Variants in CEP63 observed in about 807,000 individuals in gnomAD.
CEP63 encodes centrosomal protein of 63 kDa.
CEP63 carries 84 observed loss-of-function variants against 89.1 expected under a neutral mutation model. The ratio of observed to expected loss-of-function variants is 0.94; its 90% confidence interval spans 0.79 to 1.13. The LOEUF (loss-of-function observed/expected upper bound fraction) is 1.13. Among genes scored for constraint, CEP63 ranks in the 50% most tolerant of loss-of-function variants. The pLI, the probability that CEP63 is intolerant of heterozygous loss-of-function variation, is 0.00. For missense variants in CEP63, 838 were observed against 813.3 expected (o/e 1.03, Z -0.37); for synonymous variants, 267 against 272.5 (o/e 0.98, Z 0.20).
At position 134,559,401 on chromosome 3, in the gene CEP63, T is replaced by A. The variant is rs539497458; in HGVS notation, c.1925T>A (p.Met642Lys). ...TTTTCTGACACTATGTCTGAGAGTATGAATGACCAAGAAGAGTTTATATCT... is the reference window on the plus strand; with the variant it reads ...TTTTCTGACACTATGTCTGAGAGTAAGAATGACCAAGAAGAGTTTATATCT... ...ANFSDTMSESMNDQEEFISSC... is the reference protein window; with the variant it reads ...ANFSDTMSESKNDQEEFISSC... Residue 642 changes from methionine (M) to lysine (K), a missense_variant, in exon 14 of 15, where the codon ATG becomes AAG. Transcript: ENST00000675561. 8.7e-6 allele frequency: 14 copies of A among 1,613,928 alleles called. No individual in the cohort carries two copies. The Admixed American group carries it at 2.0e-4, about 23-fold the overall frequency.
At chr3:134,736,765 T>C in the CEP63 span, among the ~76,000 whole-genome samples, 1 of 152,138 alleles carries the variant, frequency 6.6e-6, no homozygotes, top group Non-Finnish European at 1.5e-5. Context: ...CTTTATGGGG[T>C]TAACTTTGGA....
chr3:134,564,559 T>A lies in CEP63; in HGVS notation c.*3024T>A. On this transcript the variant is annotated 3_prime_UTR_variant, in exon 15 of 15. Transcript: ENST00000675561. ...ATGCTGCCTAACACATAACAGATCC[T>A]AAGCAAATATTGGGTGGATGAAAAT... 1.0e-6 allele frequency: 1 copy of A among 985,476 alleles called. No individual in the cohort carries two copies. Among genetic ancestry groups the A allele is most frequent in the Non-Finnish European group, 1.2e-6 (1 of 829,934 alleles). 61.0% of individuals were successfully genotyped at this position (985,476 alleles called of 1,614,324 possible).
At chr3:134,657,090 A>G in the CEP63 span, among the ~76,000 whole-genome samples, 3 of 152,204 alleles carry the variant, frequency 2.0e-5, no homozygotes, top group Admixed American at 6.5e-5. Flanking sequence ...GAAGAAAAAG[A>G]GGTTTAATTG....
At chr3:134,662,910 T>G in the CEP63 span, among the ~76,000 whole-genome samples, 2 of 152,158 alleles carry the variant, frequency 1.3e-5, no homozygotes, top group African/African-American at 2.4e-5. Flanking sequence ...AGATCCAGGG[T>G]CCTACTGGAG....
chr3:134,705,415 A>G, the CEP63 span, among the ~76,000 whole-genome samples: 1 of 152,196 alleles, frequency 6.6e-6, no homozygotes, highest in Non-Finnish European at 1.5e-5. Context: ...AGAACTCACT[A>G]CTGCCAGAAT....
chr3:134,558,115 A>C, intron 12 of CEP63, 27 bp from the exon 13 acceptor site: 1 of 1,565,378 alleles, frequency 6.4e-7, no homozygotes, highest in Admixed American at 1.7e-5. Flanking sequence ...GTACAGATTA[A>C]GTGACTCTAG....
At chr3:134,642,677 A>C in the CEP63 span, among the ~76,000 whole-genome samples, 10 of 152,204 alleles carry the variant, frequency 6.6e-5, no homozygotes, top group African/African-American at 2.2e-4. Flanking sequence ...GCTCAGTCTC[A>C]GCAGGAGAGG....
the CEP63 span, among the ~76,000 whole-genome samples, chr3:134,688,206 T>A: frequency 6.6e-6 from 1 of 152,176 alleles, no homozygotes. Flanking sequence ...ATGTGGTATA[T>A]CCATACAATA....
At chr3:134,729,349 T>A in the CEP63 span, among the ~76,000 whole-genome samples, 1 of 152,232 alleles carries the variant, frequency 6.6e-6, no homozygotes, top group African/African-American at 2.4e-5. Flanking sequence ...AAAGGTAGCA[T>A]GTTATACATA....
At chr3:134,531,437 G>T (rs1368293753) in intron 3 of CEP63, among the ~76,000 whole-genome samples, 3 of 152,048 alleles carry the variant, frequency 2.0e-5, no homozygotes, top group South Asian at 2.1e-4. Flanking sequence ...ATAAAAATTC[G>T]CCAGGTGTGG....
At chr3:134,708,423 G>C in the CEP63 span, among the ~76,000 whole-genome samples, 1 of 152,228 alleles carries the variant, frequency 6.6e-6, no homozygotes, top group Non-Finnish European at 1.5e-5. Flanking sequence ...AAATTTATAA[G>C]CTGTGTGTGA....
the CEP63 span, among the ~76,000 whole-genome samples, chr3:134,733,465 A>G: frequency 6.6e-6 from 1 of 152,224 alleles, no homozygotes; most frequent in Non-Finnish European, 1.5e-5. Flanking sequence ...AACAACATAC[A>G]AAGGAAGGCA....
rs1171806068 is a variant in CEP63 at position 134,563,542 on chromosome 3, C to G, written c.*2007C>G. ...GGCTCAAGTGATTCTCCTGCCTTAG[C>G]TTCCCGAGTAGCTGGGATTACAGGC... On this transcript the variant is annotated 3_prime_UTR_variant, in exon 15 of 15. Coordinates refer to ENST00000675561, the MANE Select transcript of CEP63 (RefSeq NM_001353108.3). The G allele has an allele frequency of 6.6e-6, 1 of 152,314 alleles. No homozygotes were observed. Among genetic ancestry groups the G allele is most frequent in the African/African-American group, 2.4e-5 (1 of 41,414 alleles). 9.4% of individuals were successfully genotyped at this position (152,314 alleles called of 1,614,324 possible). A position where few individuals can be genotyped will look rare whatever the true frequency, so the allele number is the denominator to read the frequency against.
the CEP63 span, among the ~76,000 whole-genome samples, chr3:134,735,586 A>G: frequency 2.0e-5 from 3 of 152,160 alleles, no homozygotes; most frequent in South Asian, 6.2e-4. Context: ...ACCTTGTTCA[A>G]CTTCAGCTGG....
chr3:134,738,578 A>T, the CEP63 span, among the ~76,000 whole-genome samples: 1 of 152,094 alleles, frequency 6.6e-6, no homozygotes, highest in Non-Finnish European at 1.5e-5. Context: ...TGAGGACACA[A>T]ATGTGTAAGA....
the CEP63 span, among the ~76,000 whole-genome samples, chr3:134,665,508 C>T: frequency 1.3e-5 from 2 of 152,136 alleles, no homozygotes; most frequent in Admixed American, 6.5e-5. Context: ...CCCAGGTGGT[C>T]GCTGAAAAGC....
At chr3:134,676,519 A>G in the CEP63 span, among the ~76,000 whole-genome samples, 99,775 of 152,150 alleles carry the variant, frequency 0.66, 33,063 homozygotes, top group East Asian at 0.93. Flanking sequence ...ATAGTTACAC[A>G]AACTTGTTAA....
At chr3:134,740,879 T>C in the CEP63 span, among the ~76,000 whole-genome samples, 1 of 152,192 alleles carries the variant, frequency 6.6e-6, no homozygotes, top group Non-Finnish European at 1.5e-5. Context: ...TGGAGGTGTG[T>C]ACACGTAATT....
the CEP63 span, among the ~76,000 whole-genome samples, chr3:134,677,117 A>C: frequency 6.6e-6 from 1 of 152,112 alleles, no homozygotes; most frequent in Non-Finnish European, 1.5e-5. Flanking sequence ...CGTGCCTGTA[A>C]TCCCAGCTAC....
Sources: allele counts gnomAD v4.1 joint callset (sites outside exome capture counted in the v4.1 genomes callset), GRCh38; gene constraint gnomAD v4.1.1; transcripts MANE v1.5; gene names NCBI Gene and HGNC (gene_info 2026-07-23, HGNC 2026-07-21).